The following MED12L variants were observed in gnomAD, a reference collection of about 807,000 sequenced individuals.
MED12L encodes mediator complex subunit 12L, also known as mediator of RNA polymerase II transcription subunit 12-like protein.
MED12L carries 60 observed loss-of-function variants against 281.3 expected under a neutral mutation model. That is an observed-to-expected ratio of 0.21 (90% CI 0.17 to 0.26). The LOEUF is 0.26. Ranked by LOEUF, MED12L falls within the 10% of genes least tolerant of loss-of-function variation. The pLI is 1.00. For synonymous variants in MED12L, 974 were observed against 987.2 expected (o/e 0.99, Z 0.25); for missense variants, 2,146 against 2,680.9 (o/e 0.80, Z 4.41).
At chr3:151,087,047 C>G in intron 2 of MED12L, 22 bp downstream of exon 2, 2 of 1,580,852 alleles carry the variant, frequency 1.3e-6, no homozygotes, top group South Asian at 1.1e-5. Context: ...GGCGGCCTCC[C>G]CGGCAACCGG....
At chr3:151,362,019 A>AAAGGATGTT (rs1754669168) in intron 21 of MED12L, among the ~76,000 whole-genome samples, 1 of 152,114 alleles carries the variant, frequency 6.6e-6, no homozygotes, top group Admixed American at 6.6e-5. Flanking sequence ...GGAGGTAGGG[A>AAAGGATGTT]AAGGATGTTC....
chr3:151,209,994 C>A (rs988911604), intron 16 of MED12L, among the ~76,000 whole-genome samples: 1 of 152,150 alleles, frequency 6.6e-6, no homozygotes, highest in Non-Finnish European at 1.5e-5. Context: ...AGCTTTGTAA[C>A]CAGGACTGGG....
In MED12L at chr3:151,159,952, A is replaced by T. The variant is rs1719768511; in HGVS notation, c.958A>T (p.Met320Leu). 1.2e-6 allele frequency: 2 copies of T among 1,614,022 alleles called. No individual in the cohort carries two copies. The highest frequency in any genetic ancestry group is 1.7e-6 in the Non-Finnish European group (2 of 1,180,044). The change falls in exon 8 of 45, where the codon ATG becomes TTG. Residue 320 changes from methionine to leucine, a missense_variant. Transcript: ENST00000687756. ...CCTCCTTGCTGCCCACTCACCCCAC[A>T]TGATGATAGGACCAAACAACTCGAG... is the stretch of plus-strand genomic sequence containing the variant. ...PNLLAAHSPH[M>L]MIGPNNSSIG...
At chr3:151,182,740 G>T (rs778457470) in intron 11 of MED12L, among the ~76,000 whole-genome samples, 2 of 152,152 alleles carry the variant, frequency 1.3e-5, no homozygotes, top group Non-Finnish European at 2.9e-5. Context: ...AAGTTCACAG[G>T]ACAAGAAATG....
Position 151,173,441 on chromosome 3 carries a change from A to G in MED12L, c.1494+7459A>G, listed in dbSNP as rs565610712. ...GCTGAAGTAACAAGTTTCAGATGTA[A>G]TTTTGGAAAAAAGAGGAAGACACCT... On this transcript the variant is annotated intron_variant, in intron 11 of 44. Transcript: ENST00000687756. 1.6e-4 allele frequency among the ~76,000 whole-genome samples: 25 copies of G among 152,316 alleles called. No individual in the cohort carries two copies. In the South Asian group the frequency reaches 4.8e-3, roughly 29 times the overall value.
intron 2 of MED12L, among the ~76,000 whole-genome samples, chr3:151,087,910 T>G (rs1719498275): frequency 1.3e-5 from 2 of 151,880 alleles, no homozygotes; most frequent in Admixed American, 6.6e-5. Context: ...TTTGATCACC[T>G]GCTACCCAGC....
intron 16 of MED12L, among the ~76,000 whole-genome samples, chr3:151,314,018 T>G (rs1354105302): frequency 1.3e-5 from 2 of 152,164 alleles, no homozygotes; most frequent in Admixed American, 6.5e-5. Flanking sequence ...GTATTAAGGA[T>G]AGAAGGACAG....
Position 151,413,285 on chromosome 3 carries a change from G to A in MED12L, c.6287G>A (p.Arg2096Lys), listed in dbSNP as rs1717161114. ...CAGCCGCAAGTTCGACAGCAGCAGA[G>A]ACTCCTCCAGGTACGGGGCAGGGAG... ...PRQPQVRQQQ[R>K]LLQMQQPQQP... The change falls in exon 42 of 45, where the codon AGA (arginine) becomes AAA (lysine). Residue 2096 changes from arginine (R) to lysine (K), a missense_variant. This residue lies in a region of MED12L where 496 missense variants were observed against 512.0 expected (regional missense o/e 0.97). Transcript: ENST00000687756. 1 of 1,614,080 alleles carries A rather than the reference G, an allele frequency of 6.2e-7. No homozygotes were observed. Among genetic ancestry groups the A allele is most frequent in the Non-Finnish European group, 8.5e-7 (1 of 1,179,972 alleles).
intron 16 of MED12L, among the ~76,000 whole-genome samples, chr3:151,343,879 A>G (rs1049289396): frequency 6.6e-6 from 1 of 152,164 alleles, no homozygotes; most frequent in Non-Finnish European, 1.5e-5. Flanking sequence ...AGATATAATT[A>G]TGACATTTGA....
At chr3:151,274,337 G>A (rs1741493772) in intron 16 of MED12L, among the ~76,000 whole-genome samples, 1 of 152,088 alleles carries the variant, frequency 6.6e-6, no homozygotes, top group Non-Finnish European at 1.5e-5. Flanking sequence ...GTGATAACAG[G>A]GACAGCTGGT....
intron 16 of MED12L, among the ~76,000 whole-genome samples, chr3:151,335,570 T>G (rs1414039899): frequency 6.6e-6 from 1 of 152,162 alleles, no homozygotes; most frequent in African/African-American, 2.4e-5. Context: ...TCTTTTGAAC[T>G]TTTCACATCT....
chr3:151,201,318 T>C (rs1725556516), intron 16 of MED12L, among the ~76,000 whole-genome samples: 1 of 152,124 alleles, frequency 6.6e-6, no homozygotes, highest in Non-Finnish European at 1.5e-5. Flanking sequence ...AAAGCTTCCA[T>C]AACCTAGTTT....
chr3:151,321,965 C>G (rs1405301814), intron 16 of MED12L, among the ~76,000 whole-genome samples: 1 of 152,008 alleles, frequency 6.6e-6, no homozygotes, highest in Admixed American at 6.6e-5. Flanking sequence ...AAGCAGAAAC[C>G]CGGGTTACAT....
At chr3:151,285,364 A>G (rs922338226) in intron 16 of MED12L, among the ~76,000 whole-genome samples, 13 of 152,134 alleles carry the variant, frequency 8.5e-5, no homozygotes, top group Non-Finnish European at 1.8e-4. Flanking sequence ...GGGTGCCTGT[A>G]GTCCCAGCTA....
chr3:151,219,554 A>G (rs1377823404), intron 16 of MED12L: 2 of 152,142 alleles, frequency 1.3e-5, no homozygotes, highest in South Asian at 2.1e-4. Flanking sequence ...TTTTTTTTGC[A>G]TAATATGAGG....
chr3:151,163,940 A>C lies in MED12L; in HGVS notation c.1155A>C (p.Thr385=), dbSNP rs772760110. Reference sequence around the variant, plus strand: ...GTGCCTTGGTGTGGAATTATTCCACAAATGAAAATAAGAGCGCAAACCCAG... The same window carrying C: ...GTGCCTTGGTGTGGAATTATTCCACCAATGAAAATAAGAGCGCAAACCCAG... ...CPSALVWNYS[T]NENKSANPGS... is the part of the protein sequence containing the mutation. Residue 385 remains threonine, a synonymous_variant, in exon 9 of 45, where the codon ACA becomes ACC. Transcript: ENST00000687756. The C allele has an allele frequency of 3.7e-6, 6 of 1,613,686 alleles. No individual in the cohort carries two copies. The highest frequency in any genetic ancestry group is 5.1e-6 in the Non-Finnish European group (6 of 1,179,790).
At chr3:151,250,309 C>T (rs576880440) in intron 16 of MED12L, among the ~76,000 whole-genome samples, 1 of 152,306 alleles carries the variant, frequency 6.6e-6, no homozygotes, top group African/African-American at 2.4e-5. Context: ...GCCACCTTAA[C>T]TATTTTTAAG....
In MED12L at chr3:151,272,586, G is replaced by A. The variant is rs77172156; in HGVS notation, c.2251-77473G>A. Among the ~76,000 whole-genome samples, 597 of 152,212 alleles carry A rather than the reference G, an allele frequency of 3.9e-3. 5 individuals carry two copies. The highest frequency in any genetic ancestry group is 0.014 in the African/African-American group (575 of 41,534). ...TTTTCAGTGTGGATATTCTTACAAA[G>A]TGCATACTCGGGAAAGGTTGTTTGT... is the stretch of plus-strand genomic sequence containing the variant. On this transcript the variant is annotated intron_variant, in intron 16 of 44. Transcript: ENST00000687756.
chr3:151,311,667 C>T (rs1004069855), intron 16 of MED12L, among the ~76,000 whole-genome samples: 1 of 152,138 alleles, frequency 6.6e-6, no homozygotes, highest in Non-Finnish European at 1.5e-5. Flanking sequence ...TTGCATATTA[C>T]TTTGAGCCAC....
Sources: gnomAD v4.1 joint callset for allele counts (sites outside exome capture counted in the v4.1 genomes callset) on GRCh38, gnomAD v4.1.1 for gene constraint, gnomAD v4.1.1 regional missense constraint, MANE v1.5 for transcripts, NCBI Gene and HGNC (gene_info 2026-07-23, HGNC 2026-07-21) for gene names.